PLEKHA3: variants seen among roughly 807,000 people sequenced by gnomAD.
PLEKHA3 encodes pleckstrin homology domain containing A3.
In PLEKHA3, 19 loss-of-function variants were observed where a neutral mutation model predicts 39.2. The observed-to-expected ratio is 0.48, with a 90% CI of 0.34 to 0.71. The LOEUF is 0.71. PLEKHA3 is among the 30% of genes least tolerant of loss of function. The pLI, the probability that PLEKHA3 is intolerant of heterozygous loss-of-function variation, is 0.01. For missense variants in PLEKHA3, 253 were observed against 359.5 expected (o/e 0.70, Z 2.40); for synonymous variants, 97 against 118.6 (o/e 0.82, Z 1.18).
intron 2 of PLEKHA3, among the ~76,000 whole-genome samples, chr2:178,486,917 C>T (rs983719824): frequency 6.6e-6 from 1 of 152,196 alleles, no homozygotes; most frequent in Non-Finnish European, 1.5e-5. Flanking sequence ...ACTGAATATT[C>T]ATACTTTCAG....
chr2:178,488,722 AC>A (rs1685297176), intron 2 of PLEKHA3, among the ~76,000 whole-genome samples: 1 of 152,132 alleles, frequency 6.6e-6, no homozygotes, highest in Non-Finnish European at 1.5e-5. Context: ...GCATTTCCTT[AC>A]AGATTTTAGA....
intron 2 of PLEKHA3, among the ~76,000 whole-genome samples, chr2:178,486,534 C>T (rs1418463390): frequency 2.0e-5 from 3 of 152,086 alleles, no homozygotes; most frequent in Non-Finnish European, 4.4e-5. Context: ...TCATAGCTAT[C>T]AAACAGTCTT....
intron 6 of PLEKHA3, among the ~76,000 whole-genome samples, chr2:178,500,260 TTGTATAATC>T (rs1409609100): frequency 2.6e-5 from 4 of 152,102 alleles, no homozygotes; most frequent in African/African-American, 9.7e-5. Flanking sequence ...CCCCTGATGA[TTGTATAATC>T]TTTGATTAAA....
At chr2:178,488,882 A>G (rs1575142918) in intron 2 of PLEKHA3, 2 of 377,044 alleles carry the variant, frequency 5.3e-6, no homozygotes, top group Admixed American at 8.3e-5. Context: ...TTCTCTCAGT[A>G]ATGTTTTGTA....
intron 5 of PLEKHA3, among the ~76,000 whole-genome samples, chr2:178,496,038 G>A (rs1207896623): frequency 6.6e-6 from 1 of 152,156 alleles, no homozygotes; most frequent in Non-Finnish European, 1.5e-5. Flanking sequence ...GTACAATTAC[G>A]TATATCTTTA....
Position 178,513,522 on chromosome 2 carries a change from C to T in PLEKHA3, c.*9635C>T, listed in dbSNP as rs902377704. 6.6e-6 allele frequency: 1 copy of T among 152,098 alleles called. No homozygotes were observed. Among genetic ancestry groups the T allele is most frequent in the Non-Finnish European group, 1.5e-5 (1 of 68,052 alleles). The allele number at this position is 152,098 out of a possible 1,614,324, so 9.4% of individuals were successfully genotyped here. A position where few individuals can be genotyped will look rare whatever the true frequency, so the allele number is the denominator to read the frequency against. On this transcript the variant is annotated 3_prime_UTR_variant, in exon 8 of 8. Transcript: ENST00000234453. The stretch of plus-strand genomic sequence containing the variant: ...GGCCATTTTCTTTCAAAAGACAGTC[C>T]TAGAGTTTCCAGTGGTTTTCTTTAA...
rs1210711808 is a variant in PLEKHA3, at chr2:178,503,870, C to T, written c.886C>T (p.Pro296Ser). 5.0e-6 allele frequency: 8 copies of T among 1,611,362 alleles called. No homozygotes were observed. The highest frequency in any genetic ancestry group is 1.3e-5 in the African/African-American group (1 of 74,822). The change falls in exon 8 of 8, where the codon CCA (proline) becomes TCA (serine). Residue 296 changes from proline to serine, a missense_variant. This residue lies in a region of PLEKHA3 where 127 missense variants were observed against 136.8 expected (regional missense o/e 0.93). Coordinates refer to ENST00000234453, the MANE Select transcript of PLEKHA3 (RefSeq NM_019091.4). ...ACAATCTGAATCAGAAGATACTCTT[C>T]CATCCTTCTCTTCCTGAAGAAACTG... is the stretch of plus-strand genomic sequence containing the variant. ...KKQSESEDTLPSFSS is the reference protein window; with the variant it reads ...KKQSESEDTLSSFSS
rs1434574264 is a variant in PLEKHA3, at chr2:178,493,836, A to G, written c.314-17A>G. 22 of 1,600,808 alleles carry G rather than the reference A, an allele frequency of 1.4e-5. 1 individual carries two copies. The Middle Eastern group carries it at 1.5e-3, about 108-fold the overall frequency. On this transcript the variant is annotated splice_polypyrimidine_tract_variant and intron_variant, in intron 3 of 7. Coordinates refer to ENST00000234453, the MANE Select transcript of PLEKHA3 (RefSeq NM_019091.4). ...ATGAAAATGATCTAACTGTATATTT[A>G]TGTATATTCTTTTCAGAAATAAGTG...
Position 178,512,588 on chromosome 2 carries a change from C to T in PLEKHA3, c.*8701C>T, listed in dbSNP as rs563482891. 2 of 153,458 alleles carry T rather than the reference C, an allele frequency of 1.3e-5. No individual in the cohort carries two copies. Among genetic ancestry groups the T allele is most frequent in the East Asian group, 3.9e-4 (2 of 5,184 alleles). The allele number at this position is 153,458 out of a possible 1,614,324, so 9.5% of individuals were successfully genotyped here. Reference sequence around the variant, plus strand: ...AGGAACAAAGGAGAGAGAATAGAATCAGCCATCAGGAGCTATAACCACACT... The same window carrying T: ...AGGAACAAAGGAGAGAGAATAGAATTAGCCATCAGGAGCTATAACCACACT... On this transcript the variant is annotated 3_prime_UTR_variant, in exon 8 of 8. Transcript: ENST00000234453.
intron 1 of PLEKHA3, 96 bp downstream of exon 1, chr2:178,481,005 C>G: frequency 8.7e-7 from 1 of 1,146,756 alleles, no homozygotes; most frequent in East Asian, 2.9e-5. Context: ...CCTCCGCGGA[C>G]CCTCAGAGCG....
At position 178,493,857 on chromosome 2, in the gene PLEKHA3, A is replaced by C. The variant is rs1685397741; in HGVS notation, c.318A>C (p.Ile106=). ...TDTRTKKEKE[I]SETSESLKTK... is the part of the protein sequence containing the mutation. ...ATTTATGTATATTCTTTTCAGAAAT[A>C]AGTGAAACCAGTGAATCGCTGAAAA... The change falls in exon 4 of 8, where the codon ATA becomes ATC. Residue 106 remains isoleucine (I), a synonymous_variant. Transcript: ENST00000234453. 1 of 1,612,628 alleles carries C rather than the reference A, an allele frequency of 6.2e-7. No homozygotes were observed. Among genetic ancestry groups the C allele is most frequent in the Admixed American group, 1.7e-5 (1 of 59,882 alleles).
chr2:178,489,782 AC>A lies in PLEKHA3; in HGVS notation c.158-874del, dbSNP rs1685314657. On this transcript the variant is annotated intron_variant, in intron 2 of 7. Transcript: ENST00000234453. ...CTTAACCAAATCCCGCTTTCATCAA[AC>A]CCTTCTTCTTGAAGCCTTTTTAAAT... Among the ~76,000 whole-genome samples, 4 of 151,660 alleles carry A rather than the reference AC, an allele frequency of 2.6e-5. 1 individual carries two copies. In the South Asian group the frequency reaches 8.3e-4, roughly 31 times the overall value.
Position 178,504,114 on chromosome 2 carries a change from T to C in PLEKHA3, c.*227T>C, listed in dbSNP as rs567343450. The C allele has an allele frequency of 1.3e-4, 31 of 237,024 alleles. No homozygotes were observed. In the Admixed American group the frequency reaches 1.5e-3, roughly 11 times the overall value. The allele number at this position is 237,024 out of a possible 1,614,324, so 14.7% of individuals were successfully genotyped here. On this transcript the variant is annotated 3_prime_UTR_variant, in exon 8 of 8. Transcript: ENST00000234453. ...TAACTTCACAGTATGAATGTGCATC[T>C]TTTTTTTTTGAACAAATGATGGTGT...
intron 5 of PLEKHA3, 98 bp downstream of exon 5, chr2:178,495,758 T>A: frequency 7.5e-7 from 1 of 1,329,416 alleles, no homozygotes; most frequent in Non-Finnish European, 1.0e-6. Context: ...AAGCAGGCAG[T>A]TGGGGGGCGG....
At chr2:178,491,010 C>CTTTTTTTTTTTTTTT (rs1204723389) in intron 3 of PLEKHA3, among the ~76,000 whole-genome samples, 196 bp downstream of exon 3, 8 of 129,534 alleles carry the variant, frequency 6.2e-5, no homozygotes, top group African/African-American at 1.8e-4. Flanking sequence ...CTCTTTCTTT[C>CTTTTTTTTTTTTTTT]TTTTTTTTTT....
Position 178,507,140 on chromosome 2 carries a change from G to T in PLEKHA3, c.*3253G>T, listed in dbSNP as rs1685614549. ...AGTATTTACCTTCCTGTTTGAAAATGTTATACTACTTTTTGTTGACTTATC... is the reference window on the plus strand; with the variant it reads ...AGTATTTACCTTCCTGTTTGAAAATTTTATACTACTTTTTGTTGACTTATC... On this transcript the variant is annotated 3_prime_UTR_variant, in exon 8 of 8. Coordinates refer to ENST00000234453, the MANE Select transcript of PLEKHA3 (RefSeq NM_019091.4). 6.6e-6 allele frequency: 1 copy of T among 152,104 alleles called. No individual in the cohort carries two copies. Among genetic ancestry groups the T allele is most frequent in the African/African-American group, 2.4e-5 (1 of 41,424 alleles). The allele number at this position is 152,104 out of a possible 1,614,324, so 9.4% of individuals were successfully genotyped here. A position where few individuals can be genotyped will look rare whatever the true frequency, so the allele number is the denominator to read the frequency against.
In PLEKHA3 at chr2:178,513,029, G is replaced by A. The variant is rs1289260086; in HGVS notation, c.*9142G>A. On this transcript the variant is annotated 3_prime_UTR_variant, in exon 8 of 8. Coordinates refer to ENST00000234453, the MANE Select transcript of PLEKHA3 (RefSeq NM_019091.4). ...CCATAGCAGGGTGGTTAAATAAACA[G>A]TGGCACTTTTTTTTTTTTGAGACAG... 6.5e-6 allele frequency: 1 copy of A among 153,170 alleles called. No homozygotes were observed. Among genetic ancestry groups the A allele is most frequent in the East Asian group, 1.9e-4 (1 of 5,168 alleles). 9.5% of individuals were successfully genotyped at this position (153,170 alleles called of 1,614,324 possible). A position where few individuals can be genotyped will look rare whatever the true frequency, so the allele number is the denominator to read the frequency against.
chr2:178,481,447 T>C (rs1300406343), intron 1 of PLEKHA3, among the ~76,000 whole-genome samples: 1 of 152,212 alleles, frequency 6.6e-6, no homozygotes, highest in Non-Finnish European at 1.5e-5. Flanking sequence ...TTAGGGATTG[T>C]CATTGAAGTA....
At chr2:178,502,442 G>T in intron 7 of PLEKHA3, 7 of 343,776 alleles carry the variant, frequency 2.0e-5, no homozygotes, top group East Asian at 1.3e-4. Context: ...AGAGGAGGAG[G>T]GTTAAAGAGG....
Sources: gnomAD v4.1 joint callset for allele counts (sites outside exome capture counted in the v4.1 genomes callset) on GRCh38, gnomAD v4.1.1 for gene constraint, gnomAD v4.1.1 regional missense constraint, MANE v1.5 for transcripts, NCBI Gene and HGNC (gene_info 2026-07-23, HGNC 2026-07-21) for gene names.